Variants in SOD2 observed in about 807,000 individuals in gnomAD.
The protein encoded by SOD2 is superoxide dismutase 2.
SOD2 carries 11 observed loss-of-function variants against 27.0 expected under a neutral mutation model. That is an observed-to-expected ratio of 0.41 (90% CI 0.26 to 0.67). The LOEUF is 0.67. SOD2 is among the 30% of genes least tolerant of loss of function. The pLI, the probability that SOD2 is intolerant of heterozygous loss-of-function variation, is 0.34. For synonymous variants in SOD2, 105 were observed against 103.0 expected (o/e 1.02, Z -0.12); for missense variants, 250 against 274.5 (o/e 0.91, Z 0.63).
At chr6:159,727,054 C>A (rs753148989) in intron 1 of SOD2, 31 of 1,217,500 alleles carry the variant, frequency 2.5e-5, no homozygotes, top group Non-Finnish European at 3.3e-5. Context: ...GTACTTCCAC[C>A]TTCCCTTCCC....
chr6:159,713,177 T>A, intron 1 of SOD2: 1 of 1,259,702 alleles, frequency 7.9e-7, no homozygotes, highest in Non-Finnish European at 1.1e-6. Context: ...TCCGTATCTA[T>A]GATCAGACAT....
rs1779729488 is a variant in SOD2 at position 159,674,237 on chromosome 6, C to G, written c.*8256G>C. ...TAGAAAAAGAGGGAATCCTCCCTAA[C>G]TCATTTTATGAAGCCAGCATCATCC... On this transcript the variant is annotated 3_prime_UTR_variant, in exon 5 of 5. Coordinates refer to ENST00000538183, the MANE Select transcript of SOD2 (RefSeq NM_000636.4). 6.6e-6 allele frequency: 1 copy of G among 152,234 alleles called. No individual in the cohort carries two copies. Among genetic ancestry groups the G allele is most frequent in the Admixed American group, 6.5e-5 (1 of 15,292 alleles). 9.4% of individuals were successfully genotyped at this position (152,234 alleles called of 1,614,324 possible).
At chr6:159,720,908 G>A (rs1235043843) in intron 1 of SOD2, among the ~76,000 whole-genome samples, 1 of 118,662 alleles carries the variant, frequency 8.4e-6, no homozygotes. Context: ...CCAGGCTGTA[G>A]TGCAATGGCG....
At chr6:159,699,667 T>C (rs1404971150) in intron 1 of SOD2, among the ~76,000 whole-genome samples, 6 of 152,140 alleles carry the variant, frequency 3.9e-5, no homozygotes, top group Admixed American at 1.3e-4. Context: ...TGGAGTAAGA[T>C]TGATTTCAGG....
chr6:159,727,374 T>TGGCAGGGGGCGGGAGGCGGGA, upstream of SOD2: 2 of 1,032,512 alleles, frequency 1.9e-6, no homozygotes, highest in Non-Finnish European at 2.5e-6. Context: ...GCGGGGAGGC[T>TGGCAGGGGGCGGGAGGCGGGA]GGCGGGAGGC....
upstream of SOD2, among the ~76,000 whole-genome samples, chr6:159,728,090 C>T (rs1036655353): frequency 2.0e-5 from 3 of 152,164 alleles, no homozygotes; most frequent in Non-Finnish European, 4.4e-5. Flanking sequence ...ACGAGTTCAG[C>T]AAGGAAAAAA....
chr6:159,736,298 A>T, intron 1 of SOD2: 1 of 1,604,130 alleles, frequency 6.2e-7, no homozygotes, highest in Non-Finnish European at 8.5e-7. Flanking sequence ...CCAAGAAGGT[A>T]TGGGTTTTGG....
chr6:159,721,023 T>G, intron 1 of SOD2, among the ~76,000 whole-genome samples: 1 of 71,358 alleles, frequency 1.4e-5, no homozygotes, highest in African/African-American at 5.0e-5. Flanking sequence ...ACCCGACTAT[T>G]TTTTTTTTGT....
rs1272010194 is a variant in SOD2, at chr6:159,754,120, CTG to C, written c.-335-5446_-335-5445del. Among the ~76,000 whole-genome samples the C allele has an allele frequency of 5.3e-5, 8 of 152,280 alleles. No individual in the cohort carries two copies. The South Asian group carries it at 1.2e-3, about 24-fold the overall frequency. On this transcript the variant is annotated intron_variant, in intron 1 of 7. Coordinates refer to the SOD2 transcript ENST00000546087. ...TTTTAGTGCAAGTGTAGCTGTATCT[CTG>C]TTTCTCTTCTTTGTAAGGTGCATTA...
intron 1 of SOD2, chr6:159,720,495 A>G (rs979386300): frequency 6.5e-6 from 1 of 153,056 alleles, no homozygotes; most frequent in African/African-American, 2.4e-5. Flanking sequence ...TACTGCCCTC[A>G]CTAGGTACCC....
chr6:159,744,251 A>C (rs1562461716), intron 1 of SOD2, among the ~76,000 whole-genome samples: 1 of 152,170 alleles, frequency 6.6e-6, no homozygotes, highest in Non-Finnish European at 1.5e-5. Flanking sequence ...TTTGATGTGT[A>C]CTGTGTAGTA....
rs552628728 is a variant in SOD2 at position 159,736,186 on chromosome 6, T to A, written c.-116+8944A>T. 27 of 1,398,564 alleles carry A rather than the reference T, an allele frequency of 1.9e-5. 1 individual carries two copies. The South Asian group carries it at 3.4e-4, about 18-fold the overall frequency. The allele number at this position is 1,398,564 out of a possible 1,614,324, so 86.6% of individuals were successfully genotyped here. On this transcript the variant is annotated intron_variant, in intron 1 of 3. Transcript: ENST00000537657. ...TCACTAATAAATTGATTTGAAAGAG[T>A]CAGTATTTTTTATTCCTACTTTCAC...
chr6:159,752,123 A>G (rs1360993211), intron 1 of SOD2, among the ~76,000 whole-genome samples: 1 of 152,188 alleles, frequency 6.6e-6, no homozygotes, highest in Admixed American at 6.5e-5. Context: ...GATTGATAAA[A>G]TATTTACAAA....
At chr6:159,697,783 A>G (rs1244542885), upstream of SOD2, among the ~76,000 whole-genome samples, 1 of 152,260 alleles carries the variant, frequency 6.6e-6, no homozygotes, top group Non-Finnish European at 1.5e-5. Flanking sequence ...TAAGGGGGAT[A>G]TGAATGTACA....
upstream of SOD2, among the ~76,000 whole-genome samples, chr6:159,729,362 TGTA>T (rs1243448708): frequency 6.6e-6 from 1 of 152,246 alleles, no homozygotes; most frequent in Non-Finnish European, 1.5e-5. Context: ...TTTTGCTTCT[TGTA>T]GTTACTAAGC....
chr6:159,715,296 A>T (rs992360266), intron 1 of SOD2, among the ~76,000 whole-genome samples: 2 of 152,122 alleles, frequency 1.3e-5, no homozygotes, highest in Non-Finnish European at 2.9e-5. Context: ...ACAGGTTAAG[A>T]AAAACAGGGA....
chr6:159,682,760 C>G, intron 4 of SOD2, 122 bp from the exon 5 acceptor site: 2 of 903,940 alleles, frequency 2.2e-6, no homozygotes, highest in Non-Finnish European at 3.1e-6. Context: ...ATCTCATTCA[C>G]TTGTTTTTTT....
upstream of SOD2, among the ~76,000 whole-genome samples, chr6:159,731,155 A>T (rs899533575): frequency 4.0e-5 from 6 of 151,660 alleles, no homozygotes; most frequent in Admixed American, 3.9e-4. Flanking sequence ...AAAAGAAAAA[A>T]AGAAAAGAAA....
At position 159,676,310 on chromosome 6, in the gene SOD2, T is replaced by C. The variant is rs1246548420; in HGVS notation, c.*6183A>G. ...GACACATGCACACGTATATTTATTG[T>C]GGCACTGTTCACAATAGCAAAGACT... is the stretch of plus-strand genomic sequence containing the variant. On this transcript the variant is annotated 3_prime_UTR_variant, in exon 5 of 5. Coordinates refer to ENST00000538183, the MANE Select transcript of SOD2 (RefSeq NM_000636.4). 2 of 152,168 alleles carry C rather than the reference T, an allele frequency of 1.3e-5. No homozygotes were observed. Among genetic ancestry groups the C allele is most frequent in the East Asian group, 3.9e-4 (2 of 5,190 alleles). 9.4% of individuals were successfully genotyped at this position (152,168 alleles called of 1,614,324 possible).
Sources: allele counts gnomAD v4.1 joint callset (sites outside exome capture counted in the v4.1 genomes callset), GRCh38; gene constraint gnomAD v4.1.1; transcripts MANE v1.5; gene names NCBI Gene and HGNC (gene_info 2026-07-23, HGNC 2026-07-21).